JCAD: variants seen among roughly 807,000 people sequenced by gnomAD.
The protein encoded by JCAD is junctional cadherin 5 associated.
Under a neutral mutation model 98.0 loss-of-function variants are expected in JCAD, and 40 were observed. The ratio of observed to expected loss-of-function variants is 0.41; its 90% confidence interval spans 0.32 to 0.53. The LOEUF (loss-of-function observed/expected upper bound fraction) is 0.53. JCAD is among the 20% of genes least tolerant of loss of function. JCAD has a pLI of 0.31. For synonymous variants in JCAD, 691 were observed against 682.3 expected (o/e 1.01, Z -0.20); for missense variants, 1,705 against 1,738.1 (o/e 0.98, Z 0.34).
chr10:30,034,089 G>A (rs1429755248), intron 2 of JCAD, among the ~76,000 whole-genome samples: 1 of 151,952 alleles, frequency 6.6e-6, no homozygotes, highest in Non-Finnish European at 1.5e-5. Context: ...CGGGTGTGGT[G>A]GCGGGCATCT....
chr10:30,084,121 G>A (rs1838130373), intron 1 of JCAD, among the ~76,000 whole-genome samples: 1 of 147,810 alleles, frequency 6.8e-6, no homozygotes, highest in African/African-American at 2.5e-5. Context: ...GAAAAAGAAA[G>A]AGAAAGAAAA....
intron 1 of JCAD, among the ~76,000 whole-genome samples, chr10:30,099,905 C>T (rs369048878): frequency 2.0e-5 from 3 of 152,156 alleles, no homozygotes; most frequent in Non-Finnish European, 2.9e-5. Flanking sequence ...TAACTCATTC[C>T]GATTACCTGC....
At position 30,047,763 on chromosome 10, in the gene JCAD, CTT is replaced by C; in HGVS notation, c.48_49del (p.Asp18ProfsTer8). 1 of 1,614,134 alleles carries C rather than the reference CTT, an allele frequency of 6.2e-7. No homozygotes were observed. Among genetic ancestry groups the C allele is most frequent in the Non-Finnish European group, 8.5e-7 (1 of 1,180,012 alleles). On this transcript the variant is annotated frameshift_variant, in exon 2 of 4. Coordinates refer to ENST00000375377, the MANE Select transcript of JCAD (RefSeq NM_020848.4). LOFTEE classifies it high-confidence loss of function. ...ATCCTCGCGTGATGCTGGGGGGTCT[CTT>C]GACAGCTTGTATCCATGAGAGATCA... is the stretch of plus-strand genomic sequence containing the variant.
rs371385678 is a variant in JCAD at position 30,070,610 on chromosome 10, C to T, written n.129-789G>A. On this transcript the variant is annotated intron_variant and non_coding_transcript_variant, in intron 1 of 2. Coordinates refer to the JCAD transcript ENST00000465712. ...TGTATTAGAACTTTTGTTGAAACCA[C>T]CAAATACCTGGAGGTTACTGTAACT... Among the ~76,000 whole-genome samples, 133 of 152,302 alleles carry T rather than the reference C, an allele frequency of 8.7e-4. 4 individuals carry two copies. In the South Asian group the frequency reaches 0.027, roughly 31 times the overall value.
At chr10:30,022,554 C>A (rs1836684095) in intron 3 of JCAD, among the ~76,000 whole-genome samples, 1 of 152,246 alleles carries the variant, frequency 6.6e-6, no homozygotes, top group South Asian at 2.1e-4. Flanking sequence ...ATTACTACCT[C>A]CATCATATGA....
chr10:30,018,822 A>C (rs1466613518), intron 3 of JCAD, among the ~76,000 whole-genome samples: 1 of 152,196 alleles, frequency 6.6e-6, no homozygotes, highest in Admixed American at 6.5e-5. Flanking sequence ...GCAATCTGGA[A>C]GGAGTACAGC....
intron 3 of JCAD, among the ~76,000 whole-genome samples, chr10:30,022,269 G>C (rs955470073): frequency 6.6e-6 from 1 of 152,168 alleles, no homozygotes; most frequent in African/African-American, 2.4e-5. Flanking sequence ...GGGTGGGGTG[G>C]TGCGGATAGA....
chr10:30,029,786 T>C lies in JCAD; in HGVS notation c.362A>G (p.Gln121Arg), dbSNP rs377024660. 99 of 1,614,124 alleles carry C rather than the reference T, an allele frequency of 6.1e-5. No homozygotes were observed. In the Admixed American group the frequency reaches 7.2e-4, roughly 12 times the overall value. ...NDQAYRRRGR[Q>R]EARSQKPREH... ...CCTCGGCTTCTGGCTCCTGGCTTCT[T>C]GCCGTCCTCTTCTCCGGTAGGCTTG... The change falls in exon 3 of 4, where the codon CAA (glutamine) becomes CGA (arginine). Residue 121 changes from glutamine (Q) to arginine (R), a missense_variant. This residue lies in a region of JCAD where 275 missense variants were observed against 346.9 expected (regional missense o/e 0.79). Coordinates refer to ENST00000375377, the MANE Select transcript of JCAD (RefSeq NM_020848.4).
At chr10:30,032,006 G>C (rs1025068614) in intron 2 of JCAD, among the ~76,000 whole-genome samples, 3 of 151,700 alleles carry the variant, frequency 2.0e-5, no homozygotes, top group Non-Finnish European at 4.4e-5. Flanking sequence ...CGCCCGCCTC[G>C]GCCTCCCAAA....
intron 1 of JCAD, among the ~76,000 whole-genome samples, chr10:30,111,302 T>A (rs1838698405): frequency 6.6e-6 from 1 of 152,162 alleles, no homozygotes; most frequent in African/African-American, 2.4e-5. Flanking sequence ...AAAAAATTTT[T>A]TTTAGAGATG....
chr10:30,029,817 T>C lies in JCAD; in HGVS notation c.331A>G (p.Asn111Asp), dbSNP rs1369989453. 6.2e-7 allele frequency: 1 copy of C among 1,614,186 alleles called. No homozygotes were observed. Residue 111 changes from asparagine to aspartate, a missense_variant, in exon 3 of 4, where the codon AAC becomes GAC. This residue lies in a region of JCAD where 275 missense variants were observed against 346.9 expected (regional missense o/e 0.79). Transcript: ENST00000375377. Reference sequence around the variant, plus strand: ...CCTCTTCTCCGGTAGGCTTGGTCGTTACCAGTCGGGGGATGAGAGGACCAT... The same window carrying C: ...CCTCTTCTCCGGTAGGCTTGGTCGTCACCAGTCGGGGGATGAGAGGACCAT... ...SAWSSHPPTG[N>D]DQAYRRRGRQ...
intron 3 of JCAD, among the ~76,000 whole-genome samples, chr10:30,019,288 C>T (rs1836605371): frequency 7.0e-6 from 1 of 143,454 alleles, no homozygotes; most frequent in East Asian, 2.2e-4. Context: ...ATCCAGGAGG[C>T]GGAGGTTGCT....
At chr10:30,082,744 C>G (rs575988813) in intron 1 of JCAD, among the ~76,000 whole-genome samples, 77 of 145,988 alleles carry the variant, frequency 5.3e-4, no homozygotes, top group African/African-American at 1.9e-3. Flanking sequence ...CCAGCTACTT[C>G]GGAAGCTGAG....
At chr10:30,106,925 C>T (rs560318080) in intron 1 of JCAD, among the ~76,000 whole-genome samples, 3 of 152,330 alleles carry the variant, frequency 2.0e-5, no homozygotes, top group East Asian at 1.9e-4. Flanking sequence ...AGGGAGACCA[C>T]GGCTGGGTGC....
chr10:30,103,834 C>A (rs775166857), intron 1 of JCAD, among the ~76,000 whole-genome samples: 4 of 150,414 alleles, frequency 2.7e-5, no homozygotes, highest in Non-Finnish European at 4.4e-5. Flanking sequence ...TGGGTTCAAG[C>A]GATTCTCCTA....
At chr10:30,024,746 A>G (rs1043807021) in intron 3 of JCAD, among the ~76,000 whole-genome samples, 2 of 126,752 alleles carry the variant, frequency 1.6e-5, no homozygotes, top group Non-Finnish European at 3.1e-5. Context: ...CCCAGGCTGG[A>G]GTGCAGAGGC....
chr10:30,114,874 T>C (rs971682636), intron 1 of JCAD, among the ~76,000 whole-genome samples: 3 of 151,996 alleles, frequency 2.0e-5, no homozygotes, highest in African/African-American at 4.8e-5. Flanking sequence ...ACATAATAGA[T>C]GATAGATAGA....
intron 2 of JCAD, among the ~76,000 whole-genome samples, chr10:30,034,943 G>C (rs140293483): frequency 6.6e-6 from 1 of 152,198 alleles, no homozygotes; most frequent in Non-Finnish European, 1.5e-5. Context: ...CTGATGGTGA[G>C]TAGGCTTTTA....
intron 3 of JCAD, among the ~76,000 whole-genome samples, chr10:30,022,229 T>C (rs1054860049): frequency 5.9e-5 from 9 of 152,282 alleles, no homozygotes; most frequent in East Asian, 5.8e-4. Flanking sequence ...CTTGATGATA[T>C]GACAGGCACG....
Sources: gnomAD v4.1 joint callset for allele counts (sites outside exome capture counted in the v4.1 genomes callset) on GRCh38, gnomAD v4.1.1 for gene constraint, gnomAD v4.1.1 regional missense constraint, MANE v1.5 for transcripts, NCBI Gene and HGNC (gene_info 2026-07-23, HGNC 2026-07-21) for gene names.